The following KDM4E variants were observed in gnomAD, a reference collection of about 807,000 sequenced individuals.
The protein encoded by KDM4E is lysine demethylase 4E.
For missense variants in KDM4E, 576 were observed against 642.6 expected (o/e 0.90, Z 1.12); for synonymous variants, 229 against 232.9 (o/e 0.98, Z 0.15).
At position 95,025,587 on chromosome 11, in the gene KDM4E, C is replaced by T. The variant is rs995519723; in HGVS notation, c.30C>T (p.Asn10=). 43 of 1,535,092 alleles carry T rather than the reference C, an allele frequency of 2.8e-5. No homozygotes were observed. In the African/African-American group the frequency reaches 5.6e-4, roughly 20 times the overall value. Reference sequence around the variant, plus strand: ...AGTCTGTGCACTCCAGTCCCCAGAACACGAGTCATACCATCATGACGTTTT... The same window carrying T: ...AGTCTGTGCACTCCAGTCCCCAGAATACGAGTCATACCATCATGACGTTTT... MKSVHSSPQ[N]TSHTIMTFYP... is the part of the protein sequence containing the mutation. The change falls in exon 1 of 1, where the codon AAC becomes AAT. Residue 10 remains asparagine, a synonymous_variant. Coordinates refer to ENST00000450979, the MANE Select transcript of KDM4E (RefSeq NM_001161630.1).
Position 95,027,002 on chromosome 11 carries a change from G to A in KDM4E, c.1445G>A (p.Gly482Asp). 6.5e-7 allele frequency: 1 copy of A among 1,537,206 alleles called. No homozygotes were observed. Among genetic ancestry groups the A allele is most frequent in the Non-Finnish European group, 8.7e-7 (1 of 1,146,902 alleles). ...GCATCCAAGAGGCGCCTTTTAATGG[G>A]TACAAGGAGTAGAGCTCAAGGCCAC... Reference protein sequence around the residue: ...QPASKRRLLMGTRSRAQGHRP... With the variant: ...QPASKRRLLMDTRSRAQGHRP... Residue 482 changes from glycine (G) to aspartate (D), a missense_variant, in exon 1 of 1, where the codon GGT becomes GAT. Gly to Asp is a moderately conservative substitution (Grantham distance 94). Coordinates refer to ENST00000450979, the MANE Select transcript of KDM4E (RefSeq NM_001161630.1).
chr11:95,026,007 C>A lies in KDM4E; in HGVS notation c.450C>A (p.Asn150Lys), dbSNP rs1490891891. Reference sequence around the variant, plus strand: ...TTGAAGAAAGCACTAAACAATGGAACCTAGGACACCTGGGAACAATTCTGG... The same window carrying A: ...TTGAAGAAAGCACTAAACAATGGAAACTAGGACACCTGGGAACAATTCTGG... ...SLFEESTKQW[N>K]LGHLGTILDL... Residue 150 changes from asparagine to lysine, a missense_variant, in exon 1 of 1, where the codon AAC (asparagine) becomes AAA (lysine). Asn to Lys is a moderately conservative substitution (Grantham distance 94). Coordinates refer to ENST00000450979, the MANE Select transcript of KDM4E (RefSeq NM_001161630.1). 5 of 1,607,500 alleles carry A rather than the reference C, an allele frequency of 3.1e-6. No individual in the cohort carries two copies. In the Admixed American group the frequency reaches 8.4e-5, roughly 27 times the overall value.
Position 95,026,859 on chromosome 11 carries a change from C to T in KDM4E, c.1302C>T (p.Ser434=). ...SARVLLPSTG[S]WGSGRGRGRG... is the part of the protein sequence containing the mutation. ...GGGTTCTTCTCCCTTCCACTGGAAG[C>T]TGGGGTTCTGGTCGTGGTCGTGGTC... is the stretch of plus-strand genomic sequence containing the variant. Residue 434 remains serine, a synonymous_variant, in exon 1 of 1, where the codon AGC becomes AGT. Transcript: ENST00000450979. The T allele has an allele frequency of 6.5e-7, 1 of 1,537,192 alleles. No homozygotes were observed. Among genetic ancestry groups the T allele is most frequent in the South Asian group, 1.2e-5 (1 of 84,062 alleles).
Position 95,027,092 on chromosome 11 carries a change from G to A in KDM4E, c.*14G>A, listed in dbSNP as rs1390534706. The A allele has an allele frequency of 7.2e-6, 11 of 1,534,414 alleles. No individual in the cohort carries two copies. The East Asian group carries it at 2.4e-4, about 34-fold the overall frequency. ...CTGTCCCTTTGAGTGGTGGCCTTCA[G>A]CATCTTGCCAAGGCTTCTGGCTGCT... On this transcript the variant is annotated 3_prime_UTR_variant, in exon 1 of 1. Coordinates refer to ENST00000450979, the MANE Select transcript of KDM4E (RefSeq NM_001161630.1).
rs199757061 is a variant in KDM4E at position 95,025,436 on chromosome 11, T to C, written c.-122T>C. The C allele has an allele frequency of 0.072, 80,798 of 1,116,500 alleles. No individual in the cohort carries two copies. The highest frequency in any genetic ancestry group is 0.4 in the East Asian group (10,552 of 26,598). The allele number at this position is 1,116,500 out of a possible 1,614,324, so 69.2% of individuals were successfully genotyped here. A position where few individuals can be genotyped will look rare whatever the true frequency, so the allele number is the denominator to read the frequency against. ...TCAAAAGTCCAAGTGTGAATTACTG[T>C]CTCACAGATAAACCAAAGTATTTTG... On this transcript the variant is annotated 5_prime_UTR_variant, in exon 1 of 1. Transcript: ENST00000450979.
chr11:95,026,070 T>C lies in KDM4E; in HGVS notation c.513T>C (p.Gly171=). 1.2e-6 allele frequency: 2 copies of C among 1,613,830 alleles called. No homozygotes were observed. The highest frequency in any genetic ancestry group is 4.5e-5 in the East Asian group (2 of 44,872). The part of the protein sequence containing the change: ...LEQECGVVIE[G]VNTPYLYFGM... ...AGGAATGTGGGGTTGTCATCGAGGGTGTCAACACACCCTACCTGTACTTTG... is the reference window on the plus strand; with the variant it reads ...AGGAATGTGGGGTTGTCATCGAGGGCGTCAACACACCCTACCTGTACTTTG... Residue 171 remains glycine, a synonymous_variant, in exon 1 of 1, where the codon GGT becomes GGC. Coordinates refer to ENST00000450979, the MANE Select transcript of KDM4E (RefSeq NM_001161630.1).
At position 95,025,834 on chromosome 11, in the gene KDM4E, A is replaced by G. The variant is rs782576479; in HGVS notation, c.277A>G (p.Met93Val). 1.3e-6 allele frequency: 2 copies of G among 1,594,728 alleles called. No homozygotes were observed. Among genetic ancestry groups the G allele is most frequent in the African/African-American group, 2.7e-5 (2 of 74,256 alleles). The stretch of plus-strand genomic sequence containing the variant: ...TCAATACCATAAAAAGAAGAAAGCC[A>G]TGAGGGTGGGGCAGTATCGCCGCTT... ...FTQYHKKKKAMRVGQYRRLAN... is the reference protein window; with the variant it reads ...FTQYHKKKKAVRVGQYRRLAN... The change falls in exon 1 of 1, where the codon ATG (methionine) becomes GTG (valine). Residue 93 changes from methionine (M) to valine (V), a missense_variant. Physicochemically the swap from Met to Val is conservative, Grantham distance 21. Coordinates refer to ENST00000450979, the MANE Select transcript of KDM4E (RefSeq NM_001161630.1).
At position 95,026,452 on chromosome 11, in the gene KDM4E, G is replaced by C; in HGVS notation, c.895G>C (p.Asp299His). The change falls in exon 1 of 1, where the codon GAT becomes CAT. Residue 299 changes from aspartate (D) to histidine (H), a missense_variant. By Grantham distance (81) the Asp-to-His change is moderately conservative. Coordinates refer to ENST00000450979, the MANE Select transcript of KDM4E (RefSeq NM_001161630.1). ...AINFATPRWI[D>H]YGKMASQCSC... Reference sequence around the variant, plus strand: ...TAATTTTGCCACTCCACGATGGATTGATTATGGCAAAATGGCCTCTCAGTG... The same window carrying C: ...TAATTTTGCCACTCCACGATGGATTCATTATGGCAAAATGGCCTCTCAGTG... 6.2e-7 allele frequency: 1 copy of C among 1,610,268 alleles called. No homozygotes were observed. Among genetic ancestry groups the C allele is most frequent in the Non-Finnish European group, 8.5e-7 (1 of 1,179,914 alleles).
rs76354273 is a variant in KDM4E, at chr11:95,026,562, C to T, written c.1005C>T (p.His335=). 8.0e-3 allele frequency: 12,344 copies of T among 1,540,924 alleles called. 680 individuals are homozygous for T. In the East Asian group the frequency reaches 0.17, roughly 21 times the overall value. Residue 335 remains histidine, a synonymous_variant, in exon 1 of 1, where the codon CAC becomes CAT. Coordinates refer to ENST00000450979, the MANE Select transcript of KDM4E (RefSeq NM_001161630.1). ...CCGAGAGTTATGAGCTCTGGAAACACAGGCAAGACTTGGCCATTGTGGAAC... is the reference window on the plus strand; with the variant it reads ...CCGAGAGTTATGAGCTCTGGAAACATAGGCAAGACTTGGCCATTGTGGAAC... ...VQPESYELWK[H]RQDLAIVEHT...
chr11:95,027,216 A>C lies in KDM4E; in HGVS notation c.*138A>C. 1.7e-6 allele frequency: 2 copies of C among 1,171,448 alleles called. No individual in the cohort carries two copies. Among genetic ancestry groups the C allele is most frequent in the Non-Finnish European group, 2.3e-6 (2 of 857,392 alleles). 72.6% of individuals were successfully genotyped at this position (1,171,448 alleles called of 1,614,324 possible). A position where few individuals can be genotyped will look rare whatever the true frequency, so the allele number is the denominator to read the frequency against. On this transcript the variant is annotated 3_prime_UTR_variant, in exon 1 of 1. Coordinates refer to ENST00000450979, the MANE Select transcript of KDM4E (RefSeq NM_001161630.1). ...GCTATCCCTCAACAGCACTACTAGTAATCTCCCTGATGTTGTCTGCATGAC... is the reference window on the plus strand; with the variant it reads ...GCTATCCCTCAACAGCACTACTAGTCATCTCCCTGATGTTGTCTGCATGAC...
chr11:95,025,944 T>A lies in KDM4E; in HGVS notation c.387T>A (p.Asn129Lys), dbSNP rs557908104. ...GATACTGGAAGAGCCACCCCGGTAA[T>A]CCACCAATTTATGGTGCTGATATCA... ...EQRYWKSHPG[N>K]PPIYGADISG... is the part of the protein sequence containing the mutation. Residue 129 changes from asparagine to lysine, a missense_variant, in exon 1 of 1, where the codon AAT becomes AAA. By Grantham distance (94) the Asn-to-Lys change is moderately conservative. Transcript: ENST00000450979. 5 of 1,575,350 alleles carry A rather than the reference T, an allele frequency of 3.2e-6. No individual in the cohort carries two copies. The East Asian group carries it at 1.2e-4, about 37-fold the overall frequency.
Position 95,026,905 on chromosome 11 carries a change from G to A in KDM4E, c.1348G>A (p.Gly450Ser). The A allele has an allele frequency of 6.5e-7, 1 of 1,537,150 alleles. No homozygotes were observed. Among genetic ancestry groups the A allele is most frequent in the Non-Finnish European group, 8.7e-7 (1 of 1,146,878 alleles). Residue 450 changes from glycine to serine, a missense_variant, in exon 1 of 1, where the codon GGT becomes AGT. By Grantham distance (56) the Gly-to-Ser change is moderately conservative (BLOSUM62 0). Coordinates refer to ENST00000450979, the MANE Select transcript of KDM4E (RefSeq NM_001161630.1). ...GRGRGQGQGRGCSRGRGHGCC... is the reference protein window; with the variant it reads ...GRGRGQGQGRSCSRGRGHGCC... Reference sequence around the variant, plus strand: ...TGGTCGTGGTCAAGGTCAAGGTCGAGGTTGCAGTCGTGGTCGTGGTCATGG... The same window carrying A: ...TGGTCGTGGTCAAGGTCAAGGTCGAAGTTGCAGTCGTGGTCGTGGTCATGG...
At position 95,026,311 on chromosome 11, in the gene KDM4E, A is replaced by G; in HGVS notation, c.754A>G (p.Lys252Glu). The G allele has an allele frequency of 6.2e-7, 1 of 1,613,848 alleles. No homozygotes were observed. Among genetic ancestry groups the G allele is most frequent in the Non-Finnish European group, 8.5e-7 (1 of 1,179,852 alleles). Reference sequence around the variant, plus strand: ...GGCCCTCATCTCGCCTACAGTTCTCAAGGAAAATGGGATTCCCTTCAATTG... The same window carrying G: ...GGCCCTCATCTCGCCTACAGTTCTCGAGGAAAATGGGATTCCCTTCAATTG... ...KVALISPTVL[K>E]ENGIPFNCMT... is the part of the protein sequence containing the mutation. Residue 252 changes from lysine (K) to glutamate (E), a missense_variant, in exon 1 of 1, where the codon AAG becomes GAG. Coordinates refer to ENST00000450979, the MANE Select transcript of KDM4E (RefSeq NM_001161630.1).
chr11:95,027,398 T>A lies in KDM4E; in HGVS notation c.*320T>A. ...CTCTAGGGTTCTGACTCCAACTAAG[T>A]TTTCCAGAATCTCCTGGGCTCCTGA... On this transcript the variant is annotated 3_prime_UTR_variant, in exon 1 of 1. Transcript: ENST00000450979. 1 of 333,134 alleles carries A rather than the reference T, an allele frequency of 3.0e-6. No individual in the cohort carries two copies. Among genetic ancestry groups the A allele is most frequent in the Non-Finnish European group, 5.5e-6 (1 of 182,268 alleles). 20.6% of individuals were successfully genotyped at this position (333,134 alleles called of 1,614,324 possible).
chr11:95,025,429 A>T lies in KDM4E; in HGVS notation c.-129A>T, dbSNP rs1437932726. 9 of 1,356,228 alleles carry T rather than the reference A, an allele frequency of 6.6e-6. No homozygotes were observed. In the East Asian group the frequency reaches 2.0e-4, roughly 30 times the overall value. The allele number at this position is 1,356,228 out of a possible 1,614,324, so 84.0% of individuals were successfully genotyped here. ...CACTTGTTCAAAAGTCCAAGTGTGA[A>T]TTACTGTCTCACAGATAAACCAAAG... On this transcript the variant is annotated 5_prime_UTR_variant, in exon 1 of 1. Transcript: ENST00000450979.
At position 95,026,687 on chromosome 11, in the gene KDM4E, TCA is replaced by T; in HGVS notation, c.1133_1134del (p.Thr378SerfsTer22). 1 of 1,537,168 alleles carries T rather than the reference TCA, an allele frequency of 6.5e-7. No homozygotes were observed. Among genetic ancestry groups the T allele is most frequent in the Non-Finnish European group, 8.7e-7 (1 of 1,146,900 alleles). On this transcript the variant is annotated frameshift_variant, in exon 1 of 1. Coordinates refer to ENST00000450979, the MANE Select transcript of KDM4E (RefSeq NM_001161630.1). LOFTEE classifies it low-confidence loss of function (END_TRUNC). ...CTGGGCCTGAGGCTTCTCCCAAACC[TCA>T]CAGCCCAGTGTCCCACACAGCCTGT... is the stretch of plus-strand genomic sequence containing the variant.
In KDM4E at chr11:95,027,317, A is replaced by C; in HGVS notation, c.*239A>C. 1.8e-6 allele frequency: 1 copy of C among 565,356 alleles called. No individual in the cohort carries two copies. Among genetic ancestry groups the C allele is most frequent in the Non-Finnish European group, 3.1e-6 (1 of 326,490 alleles). 35.0% of individuals were successfully genotyped at this position (565,356 alleles called of 1,614,324 possible). On this transcript the variant is annotated 3_prime_UTR_variant, in exon 1 of 1. Coordinates refer to ENST00000450979, the MANE Select transcript of KDM4E (RefSeq NM_001161630.1). ...GGGACTGGAACTGATTAAGTTCACC[A>C]GGGACACTTGCCTGGTGAACATGGG...
rs1810061 is a variant in KDM4E, at chr11:95,025,680, T to G, written c.123T>G (p.His41Gln). ...CTTACATGGAGTCCCAAGGCGCACA[T>G]CAAGCTGGCCTTGCCAAGGTAATTC... ...YVAYMESQGAHQAGLAKVIPP... is the reference protein window; with the variant it reads ...YVAYMESQGAQQAGLAKVIPP... The change falls in exon 1 of 1, where the codon CAT becomes CAG. Residue 41 changes from histidine to glutamine, a missense_variant. By Grantham distance (24) the His-to-Gln change is conservative. Coordinates refer to ENST00000450979, the MANE Select transcript of KDM4E (RefSeq NM_001161630.1). The G allele has an allele frequency of 6.5e-7, 1 of 1,547,090 alleles. No homozygotes were observed. The highest frequency in any genetic ancestry group is 8.7e-7 in the Non-Finnish European group (1 of 1,150,892).
rs1858262065 is a variant in KDM4E, at chr11:95,026,165, T to C, written c.608T>C (p.Phe203Ser). Residue 203 changes from phenylalanine (F) to serine (S), a missense_variant, in exon 1 of 1, where the codon TTT (phenylalanine) becomes TCT (serine). Phe to Ser is a radical substitution (Grantham distance 155). Coordinates refer to ENST00000450979, the MANE Select transcript of KDM4E (RefSeq NM_001161630.1). ...CTTTACAGCATCAACTACCTGCACTTTGGGGAGCCCAAAACTTGGTACGTG... is the reference window on the plus strand; with the variant it reads ...CTTTACAGCATCAACTACCTGCACTCTGGGGAGCCCAAAACTTGGTACGTG... ...MDLYSINYLH[F>S]GEPKTWYVVP... The C allele has an allele frequency of 6.2e-7, 1 of 1,614,022 alleles. No individual in the cohort carries two copies. Among genetic ancestry groups the C allele is most frequent in the Admixed American group, 1.7e-5 (1 of 59,994 alleles).
Sources: allele counts gnomAD v4.1 joint callset, GRCh38; gene constraint gnomAD v4.1.1; transcripts MANE v1.5; gene names NCBI Gene and HGNC (gene_info 2026-07-23, HGNC 2026-07-21).